DLG2: variants seen among roughly 807,000 people sequenced by gnomAD.
DLG2 encodes the protein discs large MAGUK scaffold protein 2.
A neutral mutation model predicts 132.5 loss-of-function variants in DLG2; 45 were observed. That is an observed-to-expected ratio of 0.34 (90% confidence interval 0.27 to 0.44). The LOEUF (loss-of-function observed/expected upper bound fraction) is 0.44, where lower values mean the gene tolerates loss of function less well. DLG2 is among the 20% of genes least tolerant of loss of function. DLG2 has a pLI of 1.00. For missense variants in DLG2, 1,045 were observed against 1,196.9 expected (o/e 0.87, Z 1.87); for synonymous variants, 424 against 419.6 (o/e 1.01, Z -0.13).
intron 11 of DLG2, among the ~76,000 whole-genome samples, chr11:84,038,729 T>C (rs2095953709): frequency 6.6e-6 from 1 of 152,066 alleles, no homozygotes; most frequent in South Asian, 2.1e-4. Flanking sequence ...ACCCAAGACT[T>C]GGCAATTTAT....
chr11:84,635,695 T>C (rs979589232), intron 6 of DLG2, among the ~76,000 whole-genome samples: 2 of 152,124 alleles, frequency 1.3e-5, no homozygotes, highest in Non-Finnish European at 2.9e-5. Flanking sequence ...TCATACACAT[T>C]ATTTCACTTA....
At chr11:84,538,861 C>G (rs2099361662) in intron 6 of DLG2, among the ~76,000 whole-genome samples, 1 of 152,058 alleles carries the variant, frequency 6.6e-6, no homozygotes. Flanking sequence ...CAGCCTATGA[C>G]TAAGCAAGAA....
chr11:85,500,335 G>A (rs1201665051), intron 3 of DLG2, among the ~76,000 whole-genome samples: 1 of 128,042 alleles, frequency 7.8e-6, no homozygotes, highest in African/African-American at 3.5e-5. Context: ...GGTGGGAATT[G>A]AACAATGAGA....
intron 6 of DLG2, among the ~76,000 whole-genome samples, chr11:85,097,294 C>T (rs954005433): frequency 1.3e-5 from 2 of 152,090 alleles, no homozygotes; most frequent in Admixed American, 6.5e-5. Flanking sequence ...ATAATTTTTG[C>T]CCAAAGCCCC....
At chr11:85,248,223 T>A (rs1398584320) in intron 4 of DLG2, among the ~76,000 whole-genome samples, 1 of 152,116 alleles carries the variant, frequency 6.6e-6, no homozygotes, top group Admixed American at 6.6e-5. Context: ...TCTCAATTTG[T>A]TACCAAGGTA....
intron 3 of DLG2, among the ~76,000 whole-genome samples, chr11:85,426,477 G>A (rs989391319): frequency 2.0e-5 from 3 of 152,170 alleles, no homozygotes; most frequent in South Asian, 4.1e-4. Flanking sequence ...ACCAGTATCC[G>A]CTGTTCTGCA....
At position 83,457,635 on chromosome 11, in the gene DLG2, G is replaced by A. The variant is rs1325385747; in HGVS notation, c.*2183C>T. On this transcript the variant is annotated 3_prime_UTR_variant, in exon 28 of 28. Coordinates refer to ENST00000376104, the MANE Select transcript of DLG2 (RefSeq NM_001142699.3). Reference sequence around the variant, plus strand: ...ATTAATGACAGTCTTTTAAATAAATGGTTGCATGCTCAGTTGAGAAACCAA... The same window carrying A: ...ATTAATGACAGTCTTTTAAATAAATAGTTGCATGCTCAGTTGAGAAACCAA... The A allele has an allele frequency of 6.6e-6, 1 of 152,366 alleles. No individual in the cohort carries two copies. The highest frequency in any genetic ancestry group is 1.5e-5 in the Non-Finnish European group (1 of 68,034). 9.4% of individuals were successfully genotyped at this position (152,366 alleles called of 1,614,324 possible). A position where few individuals can be genotyped will look rare whatever the true frequency, so the allele number is the denominator to read the frequency against.
chr11:83,471,493 A>T lies in DLG2; in HGVS notation c.2446+133T>A, dbSNP rs1042937553. ...GTTAGGCAAATAAATTAAATAAGGCACTCAGCTAATCGGAAATGGTTGGTA... is the reference window on the plus strand; with the variant it reads ...GTTAGGCAAATAAATTAAATAAGGCTCTCAGCTAATCGGAAATGGTTGGTA... On this transcript the variant is annotated intron_variant, in intron 24 of 27. Transcript: ENST00000376104. The T allele has an allele frequency of 1.7e-4, 106 of 634,082 alleles. No individual in the cohort carries two copies. In the African/African-American group the frequency reaches 1.9e-3, roughly 11 times the overall value. 39.3% of individuals were successfully genotyped at this position (634,082 alleles called of 1,614,324 possible). A position where few individuals can be genotyped will look rare whatever the true frequency, so the allele number is the denominator to read the frequency against.
chr11:85,601,640 T>G (rs969045816), intron 2 of DLG2, among the ~76,000 whole-genome samples: 2 of 152,174 alleles, frequency 1.3e-5, no homozygotes, highest in African/African-American at 4.8e-5. Flanking sequence ...TGCCAGGCTT[T>G]AACATTTTTG....
intron 6 of DLG2, among the ~76,000 whole-genome samples, chr11:84,899,058 C>T (rs17147795): frequency 0.16 from 24,316 of 151,984 alleles, 2,487 homozygotes; most frequent in African/African-American, 0.28. Flanking sequence ...GAGTGAGTGA[C>T]TTAAAATAGG....
At chr11:84,697,923 T>G (rs1208955727) in intron 6 of DLG2, among the ~76,000 whole-genome samples, 1 of 151,478 alleles carries the variant, frequency 6.6e-6, no homozygotes, top group Non-Finnish European at 1.5e-5. Context: ...AAAAGTAATG[T>G]GTTTAGTCAT....
At chr11:84,339,432 G>A in intron 7 of DLG2, among the ~76,000 whole-genome samples, 2 of 152,246 alleles carry the variant, frequency 1.3e-5, no homozygotes, top group South Asian at 4.1e-4. Flanking sequence ...TCTTATAGTT[G>A]ATGCAGTGGA....
At chr11:84,722,702 C>T (rs74339815) in intron 6 of DLG2, among the ~76,000 whole-genome samples, 83 of 152,252 alleles carry the variant, frequency 5.5e-4, no homozygotes, top group African/African-American at 1.8e-3. Context: ...CTGAAGGAAA[C>T]TCAATATGGA....
chr11:84,390,018 C>T (rs1029058020), intron 7 of DLG2, among the ~76,000 whole-genome samples: 7 of 152,160 alleles, frequency 4.6e-5, no homozygotes, highest in African/African-American at 1.7e-4. Context: ...GTTTGATACA[C>T]TGTTTTTAAT....
intron 4 of DLG2, among the ~76,000 whole-genome samples, chr11:85,272,370 T>C (rs998454352): frequency 6.6e-6 from 1 of 152,164 alleles, no homozygotes; most frequent in Non-Finnish European, 1.5e-5. Flanking sequence ...TACACATAGA[T>C]TGATTGATTT....
chr11:85,499,344 A>C (rs1298442103), intron 3 of DLG2, among the ~76,000 whole-genome samples: 2 of 152,254 alleles, frequency 1.3e-5, no homozygotes, highest in Non-Finnish European at 2.9e-5. Context: ...TAGAAAATCT[A>C]GAAGAAATGG....
chr11:84,999,131 C>A (rs911553664), intron 6 of DLG2, among the ~76,000 whole-genome samples: 8 of 152,006 alleles, frequency 5.3e-5, no homozygotes, highest in Admixed American at 2.0e-4. Context: ...CAGATTATAT[C>A]TGACCACTCT....
chr11:85,243,846 A>G (rs2076010265), intron 4 of DLG2, among the ~76,000 whole-genome samples: 1 of 152,018 alleles, frequency 6.6e-6, no homozygotes, highest in African/African-American at 2.4e-5. Context: ...ATTGAGAGAC[A>G]GAATGACATG....
intron 4 of DLG2, among the ~76,000 whole-genome samples, chr11:85,236,456 AAG>A (rs1050438046): frequency 9.2e-5 from 14 of 151,902 alleles, no homozygotes; most frequent in Non-Finnish European, 2.9e-5. Flanking sequence ...CTCTCTATGC[AAG>A]GCACCCCTGG....
Sources: allele counts gnomAD v4.1 joint callset (sites outside exome capture counted in the v4.1 genomes callset), GRCh38; gene constraint gnomAD v4.1.1; transcripts MANE v1.5; gene names NCBI Gene and HGNC (gene_info 2026-07-23, HGNC 2026-07-21).